TOGARAM2: variants seen among roughly 807,000 people sequenced by gnomAD.
The protein encoded by TOGARAM2 is TOG array regulator of axonemal microtubules protein 2.
Under a neutral mutation model 93.3 loss-of-function variants are expected in TOGARAM2, and 85 were observed. The ratio of observed to expected loss-of-function variants is 0.91; its 90% CI spans 0.76 to 1.09. The LOEUF (loss-of-function observed/expected upper bound fraction) is 1.09. Among genes scored for constraint, TOGARAM2 ranks in the 50% least tolerant of loss-of-function variants. The pLI, the probability that TOGARAM2 is intolerant of heterozygous loss-of-function variation, is 0.00. For synonymous variants in TOGARAM2, 593 were observed against 552.8 expected, an observed-to-expected ratio of 1.07 and a Z score of -1.02; for missense variants, 1,277 against 1,334.5, an observed-to-expected ratio of 0.96 and a Z score of 0.67.
rs150995094 is a variant in TOGARAM2, at chr2:29,035,385, G to C, written c.2226-79G>C. On this transcript the variant is annotated intron_variant, in intron 16 of 19. Coordinates refer to ENST00000379558, the MANE Select transcript of TOGARAM2 (RefSeq NM_199280.4). ...TTGTCTCTGCCCCACCTGCCTGTAG[G>C]AGGTGGCATGGGACCAGAAGTGGGT... The C allele has an allele frequency of 1.9e-3, 2,273 of 1,212,730 alleles. 1 individual carries two copies. Among genetic ancestry groups the C allele is most frequent in the Admixed American group, 2.9e-3 (75 of 25,652 alleles). 75.1% of individuals were successfully genotyped at this position (1,212,730 alleles called of 1,614,324 possible).
At position 29,023,120 on chromosome 2, in the gene TOGARAM2, C is replaced by A. The variant is rs757010667; in HGVS notation, c.1546C>A (p.Arg516Ser). The change falls in exon 12 of 20, where the codon CGC becomes AGC. Residue 516 changes from arginine (R) to serine (S), a missense_variant. By Grantham distance (110) the Arg-to-Ser change is moderately radical (BLOSUM62 -1). Coordinates refer to ENST00000379558, the MANE Select transcript of TOGARAM2 (RefSeq NM_199280.4). ...GGAGAAGGGTCTGGTGAGCATCCAGCGCTTGGCAGCCTGTCACTCAGAGGT... is the reference window on the plus strand; with the variant it reads ...GGAGAAGGGTCTGGTGAGCATCCAGAGCTTGGCAGCCTGTCACTCAGAGGT... Reference protein sequence around the residue: ...MKEKGLVSIQRLAACHSEVLT... With the variant: ...MKEKGLVSIQSLAACHSEVLT... 6 of 1,600,818 alleles carry A rather than the reference C, an allele frequency of 3.7e-6. No individual in the cohort carries two copies. The highest frequency in any genetic ancestry group is 3.4e-5 in the South Asian group (3 of 88,212).
chr2:28,994,800 T>C lies in TOGARAM2; in HGVS notation c.-35T>C, dbSNP rs1349976820. 6 of 1,551,670 alleles carry C rather than the reference T, an allele frequency of 3.9e-6. No individual in the cohort carries two copies. Among genetic ancestry groups the C allele is most frequent in the Non-Finnish European group, 5.2e-6 (6 of 1,146,964 alleles). ...ACTGCCCAGAAATAGCTGCTGCCTC[T>C]GGGCAACCTTGTAGGCACCTTCTCC... On this transcript the variant is annotated 5_prime_UTR_variant, in exon 2 of 20. Transcript: ENST00000379558.
chr2:29,051,841 C>T lies in TOGARAM2; in HGVS notation c.2808C>T (p.Ala936=), dbSNP rs376857925. The T allele has an allele frequency of 1.3e-6, 2 of 1,567,240 alleles. No individual in the cohort carries two copies. Among genetic ancestry groups the T allele is most frequent in the Non-Finnish European group, 8.6e-7 (1 of 1,156,118 alleles). Residue 936 remains alanine, a synonymous_variant, in exon 20 of 20, where the codon GCC becomes GCT. Coordinates refer to ENST00000379558, the MANE Select transcript of TOGARAM2 (RefSeq NM_199280.4). ...TCCTCTGGCACTTCCTGAACACCGCCACCAGGAATGGCACCCTGCCTGGAC... is the reference window on the plus strand; with the variant it reads ...TCCTCTGGCACTTCCTGAACACCGCTACCAGGAATGGCACCCTGCCTGGAC... ...LPILWHFLNT[A]TRNGTLPGPS...
At chr2:28,961,382 C>T (rs1375081373) in intron 1 of TOGARAM2, among the ~76,000 whole-genome samples, 1 of 152,140 alleles carries the variant, frequency 6.6e-6, no homozygotes, top group Non-Finnish European at 1.5e-5. Flanking sequence ...CACTCTGCCA[C>T]CCAGGCTGGA....
At chr2:29,040,535 G>A (rs1004309175) in intron 18 of TOGARAM2, among the ~76,000 whole-genome samples, 1 of 152,206 alleles carries the variant, frequency 6.6e-6, no homozygotes, top group Non-Finnish European at 1.5e-5. Context: ...CAGACACAAT[G>A]AGTGTGTGTT....
At chr2:29,037,348 A>G (rs72859154) in intron 18 of TOGARAM2, among the ~76,000 whole-genome samples, 5,015 of 152,258 alleles carry the variant, frequency 0.033, 280 homozygotes, top group African/African-American at 0.12. Flanking sequence ...TCCAAACTTT[A>G]GGTGTGTGGA....
At chr2:28,967,367 C>A (rs1298015502) in intron 1 of TOGARAM2, among the ~76,000 whole-genome samples, 1 of 152,058 alleles carries the variant, frequency 6.6e-6, no homozygotes, top group African/African-American at 2.4e-5. Flanking sequence ...CCCAGCTACT[C>A]AGGAAGATGA....
intron 1 of TOGARAM2, among the ~76,000 whole-genome samples, chr2:28,959,090 C>T (rs1228249146): frequency 1.3e-5 from 2 of 152,148 alleles, no homozygotes; most frequent in Non-Finnish European, 2.9e-5. Flanking sequence ...GGTGGCTGCA[C>T]CTCCAGTTTC....
intron 1 of TOGARAM2, among the ~76,000 whole-genome samples, chr2:28,961,197 A>G (rs999881923): frequency 1.3e-5 from 2 of 152,038 alleles, no homozygotes; most frequent in Non-Finnish European, 2.9e-5. Flanking sequence ...AGAAGCTCCG[A>G]GACTGATATG....
chr2:29,015,148 T>C (rs1572709555), intron 8 of TOGARAM2, among the ~76,000 whole-genome samples: 1 of 152,246 alleles, frequency 6.6e-6, no homozygotes, highest in Non-Finnish European at 1.5e-5. Flanking sequence ...AAGAAGCATA[T>C]CTTGAAGGCC....
At chr2:29,045,295 T>G in intron 18 of TOGARAM2, 29 bp from the exon 19 acceptor site, 1 of 1,592,922 alleles carries the variant, frequency 6.3e-7, no homozygotes, top group Non-Finnish European at 8.6e-7. Context: ...CCCAGCAGTG[T>G]GGCCACTGAC....
chr2:29,025,042 C>T (rs1379103246), intron 13 of TOGARAM2, among the ~76,000 whole-genome samples: 4 of 152,186 alleles, frequency 2.6e-5, no homozygotes, highest in Non-Finnish European at 5.9e-5. Context: ...AGCAAAAGGC[C>T]TCTCCACCCC....
chr2:28,990,542 C>T (rs7567628), intron 1 of TOGARAM2, among the ~76,000 whole-genome samples: 61,083 of 152,032 alleles, frequency 0.4, 14,014 homozygotes, highest in Non-Finnish European at 0.53. Flanking sequence ...TGCCTTAGGC[C>T]GCCTCCTCGG....
chr2:28,999,914 T>G (rs1363984934), intron 4 of TOGARAM2, among the ~76,000 whole-genome samples: 1 of 152,142 alleles, frequency 6.6e-6, no homozygotes, highest in Non-Finnish European at 1.5e-5. Context: ...GCTTGTGGGC[T>G]CTTTCCTGCC....
chr2:29,001,753 C>G (rs1207097353), intron 4 of TOGARAM2, among the ~76,000 whole-genome samples: 1 of 152,200 alleles, frequency 6.6e-6, no homozygotes, highest in African/African-American at 2.4e-5. Flanking sequence ...CTCGGCCTCC[C>G]AAAGTGTGTG....
rs1671726000 is a variant in TOGARAM2 at position 28,956,895 on chromosome 2, C to A, written c.-147+198C>A. On this transcript the variant is annotated intron_variant, in intron 1 of 6. Transcript: ENST00000401723. The surrounding 1 kb of genome is among the most constrained non-coding windows in gnomAD (Gnocchi z 4.5). Reference sequence around the variant, plus strand: ...ATCCCAACACTTTGGGAGGCCGAGGCGGGCGGATCACCTGAGGTCAGGAGT... The same window carrying A: ...ATCCCAACACTTTGGGAGGCCGAGGAGGGCGGATCACCTGAGGTCAGGAGT... 1.3e-5 allele frequency among the ~76,000 whole-genome samples: 2 copies of A among 152,186 alleles called. No homozygotes were observed. The highest frequency in any genetic ancestry group is 3.4e-3 in the Middle Eastern group (1 of 292).
intron 6 of TOGARAM2, among the ~76,000 whole-genome samples, chr2:29,005,196 T>A (rs904300702): frequency 5.6e-4 from 39 of 69,174 alleles, no homozygotes; most frequent in African/African-American, 1.3e-3. Flanking sequence ...GCAGTGTGTG[T>A]GTGCATGTGT....
intron 8 of TOGARAM2, among the ~76,000 whole-genome samples, chr2:29,015,525 A>G (rs1198910302): frequency 6.6e-6 from 1 of 152,142 alleles, no homozygotes; most frequent in Non-Finnish European, 1.5e-5. Flanking sequence ...TACCTCTTTC[A>G]TTTTAAGAAA....
At chr2:29,021,993 G>A (rs954136491) in intron 10 of TOGARAM2, among the ~76,000 whole-genome samples, 165 bp from the exon 11 acceptor site, 4 of 152,166 alleles carry the variant, frequency 2.6e-5, no homozygotes, top group African/African-American at 7.2e-5. Context: ...AGGCCCAGGC[G>A]CTGGGTTCTT....
Sources: allele counts gnomAD v4.1 joint callset (sites outside exome capture counted in the v4.1 genomes callset), GRCh38; gene constraint gnomAD v4.1.1; non-coding constraint Gnocchi (gnomAD v3.1); transcripts MANE v1.5; gene names NCBI Gene and HGNC (gene_info 2026-07-23, HGNC 2026-07-21).